Variants in CAPN5 observed in about 807,000 individuals in gnomAD.
CAPN5 encodes calpain 5, also known as calpain-5.
In CAPN5, 54 loss-of-function variants were observed where a neutral mutation model predicts 73.0. The ratio of observed to expected loss-of-function variants is 0.74; its 90% CI spans 0.59 to 0.93. The LOEUF (loss-of-function observed/expected upper bound fraction) is 0.93, where lower values mean the gene tolerates loss of function less well. Ranked by LOEUF, CAPN5 falls within the 40% of genes least tolerant of loss-of-function variation. The pLI, the probability that CAPN5 is intolerant of heterozygous loss-of-function variation, is 0.00. For synonymous variants in CAPN5, 335 were observed against 356.9 expected (o/e 0.94, Z 0.69); for missense variants, 785 against 882.9 (o/e 0.89, Z 1.41).
intron 1 of CAPN5, among the ~76,000 whole-genome samples, chr11:77,072,536 C>G (rs532434619): frequency 6.6e-6 from 1 of 152,244 alleles, no homozygotes; most frequent in African/African-American, 2.4e-5. Context: ...GGTCACTGCC[C>G]GAGGGAGGGG....
intron 8 of CAPN5, 117 bp from the exon 9 acceptor site, chr11:77,118,913 G>T (rs190932122): frequency 1.8e-6 from 2 of 1,125,130 alleles, no homozygotes; most frequent in African/African-American, 1.5e-5. Flanking sequence ...GGACCAAGGC[G>T]CAGAGAGGTG....
chr11:77,087,991 G>C, intron 2 of CAPN5: 1 of 1,535,594 alleles, frequency 6.5e-7, no homozygotes. Context: ...GGAGATGCAC[G>C]GAGAATGGAG....
intron 3 of CAPN5, among the ~76,000 whole-genome samples, chr11:77,096,775 G>C (rs561377110): frequency 6.6e-6 from 1 of 152,236 alleles, no homozygotes; most frequent in Non-Finnish European, 1.5e-5. Flanking sequence ...CCACAGAGCC[G>C]GGCCTGGGCC....
chr11:77,121,949 T>C lies in CAPN5; in HGVS notation c.1503T>C (p.Asp501=). 6.4e-7 allele frequency: 1 copy of C among 1,551,844 alleles called. No individual in the cohort carries two copies. Among genetic ancestry groups the C allele is most frequent in the East Asian group, 2.4e-5 (1 of 40,892 alleles). ...CCCATATCAGGGAGCTGCGCCTGGA[T>C]GAGCCCCCACACACCTGCTGGAGCT... ...VPSNCRELRL[D]EPPHTCWSSL... Residue 501 remains aspartate, a synonymous_variant, in exon 11 of 13, where the codon GAT becomes GAC. Coordinates refer to ENST00000648180, the MANE Select transcript of CAPN5 (RefSeq NM_004055.5).
At chr11:77,085,177 G>T (rs1950072675) in intron 2 of CAPN5, 126 bp downstream of exon 2, 1 of 778,164 alleles carries the variant, frequency 1.3e-6, no homozygotes, top group Non-Finnish European at 2.1e-6. Flanking sequence ...GAAAGTGAGG[G>T]TGCTGAAACG....
chr11:77,105,867 C>T (rs1202624624), intron 3 of CAPN5, among the ~76,000 whole-genome samples: 1 of 152,226 alleles, frequency 6.6e-6, no homozygotes, highest in Non-Finnish European at 1.5e-5. Context: ...CATTTTTGGA[C>T]AGGGACAACT....
At chr11:77,114,521 G>C in intron 5 of CAPN5, 87 bp downstream of exon 5, 1 of 1,247,952 alleles carries the variant, frequency 8.0e-7, no homozygotes, top group Non-Finnish European at 1.2e-6. Flanking sequence ...CCCACGCTCA[G>C]GTCAGCTCCT....
intron 1 of CAPN5, among the ~76,000 whole-genome samples, chr11:77,067,632 CGTGTGTGTGTGTGTGTGTGT>C (rs71043542): frequency 7.9e-6 from 1 of 126,638 alleles, no homozygotes; most frequent in Non-Finnish European, 1.6e-5. Context: ...GGCGGGCGCA[CGTGTGTGTGTGTGTGTGTGT>C]GTGTGTGTGT....
At chr11:77,098,239 C>A (rs1950235657) in intron 3 of CAPN5, among the ~76,000 whole-genome samples, 1 of 86,790 alleles carries the variant, frequency 1.2e-5, no homozygotes, top group South Asian at 5.0e-4. Context: ...TGACCCCCCC[C>A]ACCTCCCTCC....
Position 77,120,716 on chromosome 11 carries a change from G to A in CAPN5, c.1294G>A (p.Glu432Lys), listed in dbSNP as rs1555042622. Residue 432 changes from glutamate (E) to lysine (K), a missense_variant, in exon 10 of 13, where the codon GAG becomes AAG. Physicochemically the swap from Glu to Lys is moderately conservative, Grantham distance 56 (BLOSUM62 1). Transcript: ENST00000648180. ...LAIGFDIYKV[E>K]ENRQYRMHSL... ...CAGCCCCTCCCGCCTCCTGCAGGTGGAGGAGAACCGCCAGTACCGCATGCA... is the reference window on the plus strand; with the variant it reads ...CAGCCCCTCCCGCCTCCTGCAGGTGAAGGAGAACCGCCAGTACCGCATGCA... 6.2e-7 allele frequency: 1 copy of A among 1,602,214 alleles called. No individual in the cohort carries two copies. Among genetic ancestry groups the A allele is most frequent in the Non-Finnish European group, 8.5e-7 (1 of 1,172,808 alleles).
intron 3 of CAPN5, chr11:77,102,851 C>G: frequency 6.3e-7 from 1 of 1,593,520 alleles, no homozygotes; most frequent in South Asian, 1.1e-5. Flanking sequence ...TGGCGGAGGA[C>G]AGGCCGCAGC....
Position 77,081,528 on chromosome 11 carries a change from G to A in CAPN5, c.-35-3324G>A, listed in dbSNP as rs1950028587. Among the ~76,000 whole-genome samples, 4 of 152,308 alleles carry A rather than the reference G, an allele frequency of 2.6e-5. No individual in the cohort carries two copies. In the South Asian group the frequency reaches 6.2e-4, roughly 24 times the overall value. On this transcript the variant is annotated intron_variant, in intron 1 of 12. Transcript: ENST00000648180. ...ACTGCCTGAGACTGTCAGTCCTCAG[G>A]GCACAGAGCATGAAAGGATACAGAG...
intron 3 of CAPN5, chr11:77,102,918 C>T: frequency 1.2e-6 from 2 of 1,612,880 alleles, no homozygotes; most frequent in Non-Finnish European, 1.7e-6. Context: ...GCAGATGCGG[C>T]TACGCGTGGA....
At chr11:77,094,851 T>C (rs1950191342) in intron 3 of CAPN5, among the ~76,000 whole-genome samples, 1 of 152,246 alleles carries the variant, frequency 6.6e-6, no homozygotes, top group Admixed American at 6.5e-5. Flanking sequence ...AGCATTATGA[T>C]AATTAATATC....
At chr11:77,080,459 C>T (rs1455647088) in intron 1 of CAPN5, among the ~76,000 whole-genome samples, 1 of 152,186 alleles carries the variant, frequency 6.6e-6, no homozygotes, top group Non-Finnish European at 1.5e-5. Flanking sequence ...ACTTGCCCCT[C>T]CACACAGCTC....
In CAPN5 at chr11:77,126,076, C is replaced by A. The variant is rs1950574309; in HGVS notation, c.*2206C>A. 6.6e-6 allele frequency: 1 copy of A among 152,244 alleles called. No homozygotes were observed. Among genetic ancestry groups the A allele is most frequent in the Admixed American group, 6.5e-5 (1 of 15,292 alleles). The allele number at this position is 152,244 out of a possible 1,614,324, so 9.4% of individuals were successfully genotyped here. A position where few individuals can be genotyped will look rare whatever the true frequency, so the allele number is the denominator to read the frequency against. On this transcript the variant is annotated 3_prime_UTR_variant, in exon 13 of 13. Transcript: ENST00000648180. ...GCCCACACCACCCAGACCTAGGCTT[C>A]CCTCTTCTCAGGATCCACCACAGGG...
intron 1 of CAPN5, among the ~76,000 whole-genome samples, chr11:77,080,273 G>C (rs782258600): frequency 1.7e-4 from 26 of 152,180 alleles, no homozygotes; most frequent in Non-Finnish European, 3.1e-4. Flanking sequence ...CCTCCAGCTT[G>C]TTCTCTTCAA....
chr11:77,122,089 G>C (rs781797030), intron 11 of CAPN5, 40 bp downstream of exon 11: 1 of 1,216,982 alleles, frequency 8.2e-7, no homozygotes, highest in South Asian at 1.5e-5. Context: ...CCTCCTGCCA[G>C]TTGTCCCATG....
rs1950559009 is a variant in CAPN5 at position 77,124,998 on chromosome 11, A to C, written c.*1128A>C. On this transcript the variant is annotated 3_prime_UTR_variant, in exon 13 of 13. Coordinates refer to ENST00000648180, the MANE Select transcript of CAPN5 (RefSeq NM_004055.5). ...TGTTTTATATTCTTTTTGTTTTGAA[A>C]ATCTCAATTTTAATCAGGGGTTTTA... The C allele has an allele frequency of 6.6e-6, 1 of 152,494 alleles. No individual in the cohort carries two copies. Among genetic ancestry groups the C allele is most frequent in the African/African-American group, 2.4e-5 (1 of 41,396 alleles). The allele number at this position is 152,494 out of a possible 1,614,324, so 9.4% of individuals were successfully genotyped here.
Sources: gnomAD v4.1 joint callset for allele counts (sites outside exome capture counted in the v4.1 genomes callset) on GRCh38, gnomAD v4.1.1 for gene constraint, MANE v1.5 for transcripts, NCBI Gene and HGNC (gene_info 2026-07-23, HGNC 2026-07-21) for gene names.